Variants in LRRK2 observed in about 807,000 individuals in gnomAD.
The protein encoded by LRRK2 is leucine-rich repeat serine/threonine-protein kinase 2.
A neutral mutation model predicts 302.6 loss-of-function variants in LRRK2; 203 were observed. That is an observed-to-expected ratio of 0.67 (90% CI 0.60 to 0.75). LRRK2 has a LOEUF of 0.75. LRRK2 is among the 30% of genes least tolerant of loss of function. LRRK2 has a pLI of 0.00. For missense variants in LRRK2, 2,830 were observed against 2,951.0 expected, an observed-to-expected ratio of 0.96 and a Z score of 0.95; for synonymous variants, 1,066 against 1,031.9, an observed-to-expected ratio of 1.03 and a Z score of -0.63.
intron 6 of LRRK2, among the ~76,000 whole-genome samples, chr12:40,242,900 T>C (rs527531233): frequency 9.0e-5 from 13 of 144,046 alleles, no homozygotes; most frequent in African/African-American, 3.3e-4. Context: ...ATGATGATGG[T>C]TGTGATAATG....
Position 40,278,227 on chromosome 12 carries a change from A to G in LRRK2, c.2207A>G (p.Asn736Ser), listed in dbSNP as rs1205427578. ...ECLLLLGADA[N>S]QAKEGSSLIC... ...TTGCTTCTATTGGGAGCAGATGCCA[A>G]TCAAGCAAAGGAGGGATCTTCTTTA... Residue 736 changes from asparagine to serine, a missense_variant, in exon 18 of 51, where the codon AAT (asparagine) becomes AGT (serine). Physicochemically the swap from Asn to Ser is conservative, Grantham distance 46. Transcript: ENST00000298910. 2 of 1,614,044 alleles carry G rather than the reference A, an allele frequency of 1.2e-6. No individual in the cohort carries two copies. The highest frequency in any genetic ancestry group is 1.3e-5 in the African/African-American group (1 of 74,934).
rs1333777971 is a variant in LRRK2, at chr12:40,308,704, T to C, written c.4189+8T>C. 3 of 1,611,342 alleles carry C rather than the reference T, an allele frequency of 1.9e-6. No individual in the cohort carries two copies. Among genetic ancestry groups the C allele is most frequent in the African/African-American group, 1.3e-5 (1 of 74,820 alleles). Reference sequence around the variant, plus strand: ...ATGTGTGGGATTTTGCAGGTATTTCTTTCTATAGAATTTTAAAATTCACTT... The same window carrying C: ...ATGTGTGGGATTTTGCAGGTATTTCCTTCTATAGAATTTTAAAATTCACTT... On this transcript the variant is annotated splice_region_variant and intron_variant, in intron 29 of 50. Transcript: ENST00000298910.
chr12:40,297,640 T>G (rs1227791107), intron 23 of LRRK2, among the ~76,000 whole-genome samples: 1 of 152,118 alleles, frequency 6.6e-6, no homozygotes, highest in African/African-American at 2.4e-5. Context: ...TTTTGGTATT[T>G]TAGCTCTTTG....
intron 19 of LRRK2, 128 bp downstream of exon 19, chr12:40,284,261 ATTT>A (rs55933352): frequency 1.0e-3 from 519 of 519,772 alleles, no homozygotes; most frequent in South Asian, 1.8e-3. Flanking sequence ...AAAGGTTTGG[ATTT>A]TTTTTTTTTT....
intron 14 of LRRK2, among the ~76,000 whole-genome samples, chr12:40,274,087 G>A (rs1168064787): frequency 6.6e-6 from 1 of 152,166 alleles, no homozygotes. Flanking sequence ...TGAAGCTGTT[G>A]AGGGGATAAA....
Position 40,276,178 on chromosome 12 carries a change from C to T in LRRK2, c.1941+1185C>T, listed in dbSNP as rs113275352. On this transcript the variant is annotated intron_variant, in intron 16 of 50. Transcript: ENST00000298910. The stretch of plus-strand genomic sequence containing the variant: ...TTAGGGAAAGGGAAGGATTTTGTGC[C>T]GGTATGGAACTCTCAGTTACTCTGG... Among the ~76,000 whole-genome samples the T allele has an allele frequency of 3.2e-3, 481 of 152,152 alleles. 4 individuals carry two copies. Among genetic ancestry groups the T allele is most frequent in the African/African-American group, 0.01 (427 of 41,508 alleles).
At chr12:40,299,833 T>C (rs1944554824) in intron 25 of LRRK2, among the ~76,000 whole-genome samples, 1 of 151,940 alleles carries the variant, frequency 6.6e-6, no homozygotes, top group Non-Finnish European at 1.5e-5. Context: ...TGTGGGGTGG[T>C]GGTGGTGGTG....
intron 3 of LRRK2, 85 bp downstream of exon 3, chr12:40,232,468 A>G (rs1214250534): frequency 2.1e-6 from 2 of 964,752 alleles, no homozygotes; most frequent in Non-Finnish European, 3.4e-6. Context: ...CTGTGTTTGC[A>G]ATCCAAGGCT....
At chr12:40,279,204 G>A (rs956807008) in intron 18 of LRRK2, among the ~76,000 whole-genome samples, 2 of 64,500 alleles carry the variant, frequency 3.1e-5, no homozygotes, top group African/African-American at 4.4e-5. Context: ...AAAGTACTAT[G>A]TTTGCCAATA....
At chr12:40,311,944 A>G (rs1180400979) in intron 31 of LRRK2, among the ~76,000 whole-genome samples, 1 of 143,476 alleles carries the variant, frequency 7.0e-6, no homozygotes, top group Admixed American at 7.3e-5. Context: ...TATTCATCCA[A>G]TTAATCTCTT....
At chr12:40,281,642 ACT>A (rs370461895) in intron 18 of LRRK2, among the ~76,000 whole-genome samples, 2 of 152,190 alleles carry the variant, frequency 1.3e-5, no homozygotes, top group African/African-American at 4.8e-5. Context: ...AAAGAGAATG[ACT>A]CTGTAGGATT....
At chr12:40,287,271 C>A (rs986405724) in intron 19 of LRRK2, 80 bp from the exon 20 acceptor site, 5 of 1,223,518 alleles carry the variant, frequency 4.1e-6, no homozygotes, top group Admixed American at 1.9e-5. Flanking sequence ...CATAGCAATA[C>A]GTAAGAACTT....
chr12:40,261,032 A>AT (rs1036917835), intron 13 of LRRK2, among the ~76,000 whole-genome samples: 2 of 152,030 alleles, frequency 1.3e-5, no homozygotes, highest in African/African-American at 2.4e-5. Flanking sequence ...TTCTTCAGTC[A>AT]TTTTTTTCTG....
In LRRK2 at chr12:40,321,118, T is replaced by C; in HGVS notation, c.5100T>C (p.Phe1700=). 2 of 1,612,968 alleles carry C rather than the reference T, an allele frequency of 1.2e-6. No homozygotes were observed. The highest frequency in any genetic ancestry group is 2.2e-5 in the East Asian group (1 of 44,828). The part of the protein sequence containing the change: ...IIIRLYEMPY[F]PMGFWSRLIN... ...TCCGACTATATGAAATGCCTTATTT[T>C]CCAATGGGATTTTGGTCAAGATTAA... The change falls in exon 35 of 51, where the codon TTT becomes TTC. Residue 1700 remains phenylalanine, a synonymous_variant. Coordinates refer to ENST00000298910, the MANE Select transcript of LRRK2 (RefSeq NM_198578.4).
chr12:40,301,561 C>A (rs987643878), intron 25 of LRRK2, among the ~76,000 whole-genome samples: 8 of 152,100 alleles, frequency 5.3e-5, no homozygotes. Flanking sequence ...ATTTATTTTG[C>A]GAATAGGTGA....
In LRRK2 at chr12:40,361,917, C is replaced by T. The variant is rs117691017; in HGVS notation, c.7029-1485C>T. ...AATGAAAGATGACTGCCTTTGAAGC[C>T]GGAAGACTCCATAGGACTTTTGGAG... On this transcript the variant is annotated intron_variant, in intron 47 of 50. Transcript: ENST00000298910. Among the ~76,000 whole-genome samples the T allele has an allele frequency of 2.2e-3, 333 of 152,010 alleles. 1 individual carries two copies. The highest frequency in any genetic ancestry group is 3.7e-3 in the Non-Finnish European group (251 of 67,936).
At position 40,301,882 on chromosome 12, in the gene LRRK2, A is replaced by G. The variant is rs368902567; in HGVS notation, c.3497-907A>G. On this transcript the variant is annotated intron_variant, in intron 25 of 50. Transcript: ENST00000298910. ...TACCTCATACTGCATTTCCTTCTTA[A>G]CAATTCATAAAGTAGGCCAGGCACG... 1.4e-3 allele frequency among the ~76,000 whole-genome samples: 213 copies of G among 152,238 alleles called. 1 individual carries two copies. Among genetic ancestry groups the G allele is most frequent in the African/African-American group, 5.0e-3 (207 of 41,554 alleles).
In LRRK2 at chr12:40,252,827, A is replaced by G. The variant is rs1942334285; in HGVS notation, c.1182-83A>G. ...TGTTTATATGCTCTTAATTGTTGTT[A>G]GAGATATTTGATAATGGCAAGTGAG... On this transcript the variant is annotated intron_variant, in intron 10 of 50. Coordinates refer to ENST00000298910, the MANE Select transcript of LRRK2 (RefSeq NM_198578.4). The G allele has an allele frequency of 1.7e-5, 15 of 870,494 alleles. No homozygotes were observed. In the Middle Eastern group the frequency reaches 1.4e-3, roughly 79 times the overall value. The allele number at this position is 870,494 out of a possible 1,614,324, so 53.9% of individuals were successfully genotyped here. A position where few individuals can be genotyped will look rare whatever the true frequency, so the allele number is the denominator to read the frequency against.
At chr12:40,226,021 T>C (rs1940860020) in intron 2 of LRRK2, among the ~76,000 whole-genome samples, 2 of 152,320 alleles carry the variant, frequency 1.3e-5, no homozygotes, top group South Asian at 4.1e-4. Flanking sequence ...TTATGAATAG[T>C]TTGGAAAAGG....
Sources: gnomAD v4.1 joint callset for allele counts (sites outside exome capture counted in the v4.1 genomes callset) on GRCh38, gnomAD v4.1.1 for gene constraint, MANE v1.5 for transcripts, NCBI Gene and HGNC (gene_info 2026-07-23, HGNC 2026-07-21) for gene names.